Variants in CC2D2A observed in about 807,000 individuals in gnomAD.
The protein encoded by CC2D2A is coiled-coil and C2 domain-containing protein 2A.
A neutral mutation model predicts 212.9 loss-of-function variants in CC2D2A; 155 were observed. The ratio of observed to expected loss-of-function variants is 0.73; its 90% CI spans 0.64 to 0.83. CC2D2A has a LOEUF of 0.83. CC2D2A is among the 40% of genes least tolerant of loss of function. The pLI is 0.00. For missense variants in CC2D2A, 1,856 were observed against 1,956.2 expected, an observed-to-expected ratio of 0.95 and a Z score of 0.97; for synonymous variants, 667 against 686.5, an observed-to-expected ratio of 0.97 and a Z score of 0.44.
rs386399350 is a variant in CC2D2A at position 15,601,152 on chromosome 4, T to TATA, written c.4675-83_4675-82insAAT. 7.1e-6 allele frequency: 8 copies of TATA among 1,133,636 alleles called. No individual in the cohort carries two copies. The Admixed American group carries it at 1.5e-4, about 21-fold the overall frequency. 70.2% of individuals were successfully genotyped at this position (1,133,636 alleles called of 1,614,324 possible). A position where few individuals can be genotyped will look rare whatever the true frequency, so the allele number is the denominator to read the frequency against. On this transcript the variant is annotated intron_variant, in intron 36 of 36. Transcript: ENST00000424120. ...GCAAATAACTGAGATCCAGAACACT[T>TATA]ATCTTAATTGCATACATTTACGTAG... is the stretch of plus-strand genomic sequence containing the variant.
At chr4:15,522,303 T>A (rs1036835264) in intron 11 of CC2D2A, among the ~76,000 whole-genome samples, 6 of 152,196 alleles carry the variant, frequency 3.9e-5, no homozygotes, top group Non-Finnish European at 7.3e-5. Flanking sequence ...CCTTGATGAA[T>A]TTATGCCTCA....
Position 15,601,483 on chromosome 4 carries a change from T to C in CC2D2A, c.*58T>C. On this transcript the variant is annotated 3_prime_UTR_variant, in exon 37 of 37. Coordinates refer to ENST00000424120, the MANE Select transcript of CC2D2A (RefSeq NM_001378615.1). ...AACTACACTTAGGATATGAGAAAAT[T>C]TTAAATTATATGCATCACATCAGAA... 2.7e-6 allele frequency: 3 copies of C among 1,130,720 alleles called. No homozygotes were observed. The highest frequency in any genetic ancestry group is 3.6e-6 in the Non-Finnish European group (3 of 830,628). The allele number at this position is 1,130,720 out of a possible 1,614,324, so 70.0% of individuals were successfully genotyped here. A position where few individuals can be genotyped will look rare whatever the true frequency, so the allele number is the denominator to read the frequency against.
chr4:15,527,548 T>C lies in CC2D2A; in HGVS notation c.1251T>C (p.His417=), dbSNP rs1217667207. Residue 417 remains histidine, a synonymous_variant, in exon 12 of 37, where the codon CAT becomes CAC. Transcript: ENST00000424120. Reference sequence around the variant, plus strand: ...ATATTTCAGGGTTAATCTTCACTCATCATCCCTGTTTTAGCCGAGAGCATG... The same window carrying C: ...ATATTTCAGGGTTAATCTTCACTCACCATCCCTGTTTTAGCCGAGAGCATG... ...DIDISGLIFT[H]HPCFSREHVL... is the part of the protein sequence containing the mutation. 3 of 1,613,578 alleles carry C rather than the reference T, an allele frequency of 1.9e-6. No individual in the cohort carries two copies. The highest frequency in any genetic ancestry group is 2.5e-6 in the Non-Finnish European group (3 of 1,179,686).
intron 8 of CC2D2A, among the ~76,000 whole-genome samples, chr4:15,511,966 A>C (rs1716591019): frequency 6.6e-6 from 1 of 152,236 alleles, no homozygotes; most frequent in African/African-American, 2.4e-5. Context: ...AGCCCATAAA[A>C]AGATTCTTAA....
intron 17 of CC2D2A, among the ~76,000 whole-genome samples, chr4:15,549,247 A>G (rs1053018859): frequency 2.0e-5 from 3 of 152,186 alleles, no homozygotes; most frequent in Non-Finnish European, 2.9e-5. Context: ...ACTTTTTAGT[A>G]TAGATCAAAA....
chr4:15,533,256 A>G lies in CC2D2A; in HGVS notation c.1530A>G (p.Ile510Met), dbSNP rs62289347. The G allele has an allele frequency of 1.2e-6, 2 of 1,602,268 alleles. No homozygotes were observed. The highest frequency in any genetic ancestry group is 1.7e-6 in the Non-Finnish European group (2 of 1,176,156). The change falls in exon 14 of 37, where the codon ATA becomes ATG. Residue 510 changes from isoleucine (I) to methionine (M), a missense_variant. By Grantham distance (10) the Ile-to-Met change is conservative. Coordinates refer to ENST00000424120, the MANE Select transcript of CC2D2A (RefSeq NM_001378615.1). Reference protein sequence around the residue: ...EKDRTLLKTIIKVWKEMKSLR... With the variant: ...EKDRTLLKTIMKVWKEMKSLR... ...ATAGAACATTGCTTAAGACTATCAT[A>G]AAAGTTTGGAAAGAGATGAAATCCC...
upstream of CC2D2A, chr4:15,469,874 G>C (rs1713601357): frequency 6.6e-6 from 1 of 151,610 alleles, no homozygotes; most frequent in African/African-American, 2.4e-5. Flanking sequence ...CCTTAGGAAC[G>C]GGTTGCTAAG....
Position 15,510,246 on chromosome 4 carries a change from A to G in CC2D2A, c.540+6A>G, listed in dbSNP as rs375533917. 6.2e-7 allele frequency: 1 copy of G among 1,603,744 alleles called. No homozygotes were observed. The highest frequency in any genetic ancestry group is 8.5e-7 in the Non-Finnish European group (1 of 1,174,666). Reference sequence around the variant, plus strand: ...AAATCAAGCCTAAACCCCAGGTGAGAAATCTTGTTTTTTAAAATCATTTGT... The same window carrying G: ...AAATCAAGCCTAAACCCCAGGTGAGGAATCTTGTTTTTTAAAATCATTTGT... On this transcript the variant is annotated splice_donor_region_variant and intron_variant, in intron 7 of 36. Coordinates refer to ENST00000424120, the MANE Select transcript of CC2D2A (RefSeq NM_001378615.1).
intron 17 of CC2D2A, among the ~76,000 whole-genome samples, chr4:15,545,233 T>C (rs1480055754): frequency 6.6e-6 from 1 of 152,214 alleles, no homozygotes; most frequent in African/African-American, 2.4e-5. Context: ...CTAAAATACA[T>C]CTGTTAATGC....
At chr4:15,510,397 A>G (rs1256413822) in intron 7 of CC2D2A, among the ~76,000 whole-genome samples, 157 bp downstream of exon 7, 3 of 152,192 alleles carry the variant, frequency 2.0e-5, no homozygotes, top group African/African-American at 7.2e-5. Flanking sequence ...GGAGTTCAAG[A>G]CCAGCCTGGA....
At chr4:15,600,583 C>G (rs1417559635) in intron 36 of CC2D2A, among the ~76,000 whole-genome samples, 1 of 152,110 alleles carries the variant, frequency 6.6e-6, no homozygotes, top group African/African-American at 2.4e-5. Context: ...TGCCCATCCC[C>G]GTGGATCAAT....
chr4:15,598,853 A>G (rs1046184898), intron 35 of CC2D2A, among the ~76,000 whole-genome samples: 1 of 152,162 alleles, frequency 6.6e-6, no homozygotes, highest in East Asian at 1.9e-4. Flanking sequence ...GAGTATAGTC[A>G]TAACATTTCA....
chr4:15,482,133 ATAAG>A (rs1714712030), intron 4 of CC2D2A: 1 of 985,346 alleles, frequency 1.0e-6, no homozygotes, highest in African/African-American at 1.7e-5. Context: ...AAGTTGGGAA[ATAAG>A]TAACTGTTGG....
At chr4:15,577,319 T>C (rs1167574659) in intron 29 of CC2D2A, among the ~76,000 whole-genome samples, 4 of 152,270 alleles carry the variant, frequency 2.6e-5, no homozygotes, top group Non-Finnish European at 5.9e-5. Flanking sequence ...AAAGGCAACA[T>C]ACACCCATTC....
Position 15,536,830 on chromosome 4 carries a change from C to T in CC2D2A, c.1608-90C>T, listed in dbSNP as rs1410928839. 5 of 1,218,088 alleles carry T rather than the reference C, an allele frequency of 4.1e-6. 1 individual carries two copies. In the South Asian group the frequency reaches 7.7e-5, roughly 19 times the overall value. The allele number at this position is 1,218,088 out of a possible 1,614,324, so 75.5% of individuals were successfully genotyped here. A position where few individuals can be genotyped will look rare whatever the true frequency, so the allele number is the denominator to read the frequency against. ...GACATTTTTAGAAGAGGAACTGGCA[C>T]ATAGCAAGTCCAATATAAGTATTTG... On this transcript the variant is annotated intron_variant, in intron 14 of 36. Coordinates refer to ENST00000424120, the MANE Select transcript of CC2D2A (RefSeq NM_001378615.1).
chr4:15,500,107 G>GTGTGTGTATATATATATATATATA (rs1479141284), intron 4 of CC2D2A, among the ~76,000 whole-genome samples: 2 of 112,932 alleles, frequency 1.8e-5, no homozygotes, highest in Non-Finnish European at 3.5e-5. Flanking sequence ...GTGTGTGTGT[G>GTGTGTGTATATATATATATATATA]TATATATATA....
intron 29 of CC2D2A, among the ~76,000 whole-genome samples, chr4:15,578,821 T>A (rs1446244833): frequency 6.6e-6 from 1 of 150,454 alleles, no homozygotes; most frequent in Non-Finnish European, 1.5e-5. Flanking sequence ...TGTTTGTTTT[T>A]AATAGAGACA....
chr4:15,563,617 G>A, intron 24 of CC2D2A, 95 bp downstream of exon 24: 1 of 1,374,744 alleles, frequency 7.3e-7, no homozygotes, highest in South Asian at 1.3e-5. Flanking sequence ...TCTTAACGTG[G>A]TTATTGTTCA....
At chr4:15,531,423 C>T (rs1413069343) in intron 13 of CC2D2A, among the ~76,000 whole-genome samples, 2 of 152,226 alleles carry the variant, frequency 1.3e-5, no homozygotes, top group African/African-American at 2.4e-5. Flanking sequence ...CCAGCTTATA[C>T]GTGTTCCGAG....
Sources: gnomAD v4.1 joint callset for allele counts (sites outside exome capture counted in the v4.1 genomes callset) on GRCh38, gnomAD v4.1.1 for gene constraint, MANE v1.5 for transcripts, NCBI Gene and HGNC (gene_info 2026-07-23, HGNC 2026-07-21) for gene names.